The following TENM3 variants were observed in gnomAD, a reference collection of about 807,000 sequenced individuals.
TENM3 encodes the protein teneurin-3.
Under a neutral mutation model 255.1 loss-of-function variants are expected in TENM3, and 63 were observed. The ratio of observed to expected loss-of-function variants is 0.25; its 90% CI spans 0.20 to 0.30. The LOEUF (loss-of-function observed/expected upper bound fraction) is 0.30. TENM3 is among the 10% of genes least tolerant of loss of function. TENM3 has a pLI of 1.00. For synonymous variants in TENM3, 1,306 were observed against 1,322.3 expected (o/e 0.99, Z 0.27); for missense variants, 2,929 against 3,461.1 (o/e 0.85, Z 3.86).
At chr4:182,397,571 C>G (rs1390843760) in intron 3 of TENM3, among the ~76,000 whole-genome samples, 1 of 152,072 alleles carries the variant, frequency 6.6e-6, no homozygotes, top group African/African-American at 2.4e-5. Context: ...TTTATCTCCA[C>G]TTTATGGATG....
At chr4:182,058,402 T>G in the TENM3 span, among the ~76,000 whole-genome samples, 4 of 152,260 alleles carry the variant, frequency 2.6e-5, no homozygotes, top group South Asian at 8.3e-4. Flanking sequence ...CACTAAGTTT[T>G]TAGGTGATAT....
intron 1 of TENM3, among the ~76,000 whole-genome samples, chr4:182,164,935 C>T (rs1751606924): frequency 6.6e-6 from 1 of 152,188 alleles, no homozygotes; most frequent in Admixed American, 6.5e-5. Context: ...AAATGAGATA[C>T]TCCTCTCTAC....
intron 1 of TENM3, among the ~76,000 whole-genome samples, chr4:182,209,664 C>A (rs193052713): frequency 6.6e-6 from 1 of 152,220 alleles, no homozygotes; most frequent in East Asian, 1.9e-4. Flanking sequence ...TGTGTAAATG[C>A]GTCTGTTACC....
At chr4:181,707,354 G>A in the TENM3 span, among the ~76,000 whole-genome samples, 1 of 152,286 alleles carries the variant, frequency 6.6e-6, no homozygotes, top group Admixed American at 6.5e-5. Context: ...TGGCATCTCA[G>A]AGACAAATAA....
the TENM3 span, among the ~76,000 whole-genome samples, chr4:181,695,135 A>G: frequency 6.6e-6 from 1 of 152,200 alleles, no homozygotes; most frequent in Non-Finnish European, 1.5e-5. Context: ...TAAAAATGCT[A>G]TTAATATTTG....
intron 6 of TENM3, among the ~76,000 whole-genome samples, chr4:182,671,638 G>T (rs1308551670): frequency 6.6e-6 from 1 of 152,060 alleles, no homozygotes; most frequent in African/African-American, 2.4e-5. Context: ...TAATCTCTAA[G>T]ATTCTACTCT....
the TENM3 span, among the ~76,000 whole-genome samples, chr4:181,688,700 G>A: frequency 6.6e-6 from 1 of 152,086 alleles, no homozygotes; most frequent in Admixed American, 6.6e-5. Context: ...CTTGAGAAGG[G>A]GGCCTGCCAC....
At chr4:182,024,430 T>C in the TENM3 span, among the ~76,000 whole-genome samples, 1 of 152,242 alleles carries the variant, frequency 6.6e-6, no homozygotes, top group Admixed American at 6.5e-5. Flanking sequence ...GTTGTTTGTT[T>C]ACATATTTAT....
At chr4:182,764,335 G>T (rs1763485440) in intron 22 of TENM3, among the ~76,000 whole-genome samples, 1 of 152,208 alleles carries the variant, frequency 6.6e-6, no homozygotes, top group Non-Finnish European at 1.5e-5. Context: ...CTTAGGTGCT[G>T]GAGGATGCAG....
At chr4:182,596,546 T>C (rs1747244910) in intron 3 of TENM3, among the ~76,000 whole-genome samples, 1 of 152,066 alleles carries the variant, frequency 6.6e-6, no homozygotes, top group African/African-American at 2.4e-5. Flanking sequence ...TTAAAGTAAT[T>C]TGGATTTGGA....
At chr4:182,786,637 C>A (rs1210312870) in intron 24 of TENM3, among the ~76,000 whole-genome samples, 3 of 151,974 alleles carry the variant, frequency 2.0e-5, no homozygotes, top group Non-Finnish European at 1.5e-5. Context: ...CACGTCATAT[C>A]CACTCTGTGG....
the TENM3 span, among the ~76,000 whole-genome samples, chr4:181,753,747 G>A: frequency 6.6e-6 from 1 of 152,284 alleles, no homozygotes; most frequent in Non-Finnish European, 1.5e-5. Flanking sequence ...AATGTTTTAG[G>A]TACTGCTTAT....
chr4:181,770,904 A>G, the TENM3 span, among the ~76,000 whole-genome samples: 1 of 152,164 alleles, frequency 6.6e-6, no homozygotes, highest in African/African-American at 2.4e-5. Flanking sequence ...CTCTTTATAC[A>G]ATTATCTCTT....
At chr4:182,528,897 A>G (rs1739495253) in intron 3 of TENM3, among the ~76,000 whole-genome samples, 1 of 152,250 alleles carries the variant, frequency 6.6e-6, no homozygotes, top group Non-Finnish European at 1.5e-5. Context: ...CCTGCGGCCC[A>G]GAGGCCACAG....
chr4:182,111,962 G>C, the TENM3 span, among the ~76,000 whole-genome samples: 1 of 151,994 alleles, frequency 6.6e-6, no homozygotes, highest in Non-Finnish European at 1.5e-5. Flanking sequence ...TTCCATCCAT[G>C]GTATACACTC....
At chr4:182,274,848 G>T (rs892998587) in intron 1 of TENM3, among the ~76,000 whole-genome samples, 92 of 152,000 alleles carry the variant, frequency 6.1e-4, no homozygotes, top group African/African-American at 2.0e-3. Context: ...TTTTGAGATG[G>T]AGTCTTGCTC....
the TENM3 span, among the ~76,000 whole-genome samples, chr4:181,549,730 C>A: frequency 2.6e-5 from 4 of 152,286 alleles, no homozygotes; most frequent in Admixed American, 2.6e-4. Context: ...ATCCCCACGA[C>A]CCATGCTTTG....
the TENM3 span, among the ~76,000 whole-genome samples, chr4:181,527,526 G>T: frequency 3.3e-5 from 5 of 151,860 alleles, no homozygotes; most frequent in African/African-American, 1.2e-4. Context: ...AAGCCACCAC[G>T]CCTGGCTAAT....
chr4:182,073,575 G>A, the TENM3 span, among the ~76,000 whole-genome samples: 167 of 152,254 alleles, frequency 1.1e-3, 1 homozygote, highest in Non-Finnish European at 2.0e-3. Context: ...CCAAGCAAAC[G>A]AATACAAAAG....
Sources: gnomAD v4.1 joint callset for allele counts (sites outside exome capture counted in the v4.1 genomes callset) on GRCh38, gnomAD v4.1.1 for gene constraint, MANE v1.5 for transcripts, NCBI Gene and HGNC (gene_info 2026-07-23, HGNC 2026-07-21) for gene names.